The following LDLRAD4 variants were observed in gnomAD, a reference collection of about 807,000 sequenced individuals.
LDLRAD4 encodes the protein low density lipoprotein receptor class A domain containing 4.
LDLRAD4 carries 5 observed loss-of-function variants against 17.0 expected under a neutral mutation model. The observed-to-expected ratio is 0.29, with a 90% CI of 0.15 to 0.62. The LOEUF is 0.62. Ranked by LOEUF, LDLRAD4 falls within the 20% of genes least tolerant of loss-of-function variation. The pLI is 0.84. For missense variants in LDLRAD4, 340 were observed against 424.7 expected, an observed-to-expected ratio of 0.80 and a Z score of 1.75; for synonymous variants, 168 against 171.8, an observed-to-expected ratio of 0.98 and a Z score of 0.17.
chr18:13,629,418 A>G (rs1420696668), intron 4 of LDLRAD4, among the ~76,000 whole-genome samples: 1 of 152,242 alleles, frequency 6.6e-6, no homozygotes, highest in African/African-American at 2.4e-5. Context: ...ACCCACAGCA[A>G]ACTGACAGCT....
At chr18:13,254,041 C>T (rs1207713786) in intron 1 of LDLRAD4, among the ~76,000 whole-genome samples, 2 of 152,240 alleles carry the variant, frequency 1.3e-5, no homozygotes, top group Admixed American at 1.3e-4. Flanking sequence ...AGACCTGCTG[C>T]TGGGAGATAG....
chr18:13,467,342 A>G (rs2092651505), intron 3 of LDLRAD4, among the ~76,000 whole-genome samples: 1 of 152,252 alleles, frequency 6.6e-6, no homozygotes, highest in Non-Finnish European at 1.5e-5. Context: ...GTGTGTTTCT[A>G]TACATGTGCC....
chr18:13,406,108 G>A (rs1317968651), intron 2 of LDLRAD4, among the ~76,000 whole-genome samples: 1 of 152,240 alleles, frequency 6.6e-6, no homozygotes, highest in Non-Finnish European at 1.5e-5. Context: ...GGGCACCCAT[G>A]CTGGCAGCCC....
chr18:13,644,845 G>T (rs775588202), intron 5 of LDLRAD4: 14 of 425,202 alleles, frequency 3.3e-5, no homozygotes, highest in Non-Finnish European at 5.4e-5. Context: ...AGCACGCACA[G>T]AAACTCCCAG....
chr18:13,539,441 T>C (rs893879246), intron 3 of LDLRAD4, among the ~76,000 whole-genome samples: 11 of 152,244 alleles, frequency 7.2e-5, no homozygotes, highest in African/African-American at 2.7e-4. Context: ...TATTTCTCTT[T>C]TGCCAATAGG....
chr18:13,295,670 A>C (rs927789357), intron 1 of LDLRAD4, among the ~76,000 whole-genome samples: 1 of 152,254 alleles, frequency 6.6e-6, no homozygotes, highest in Admixed American at 6.5e-5. Flanking sequence ...AAGGGGGAAA[A>C]GTAACTTTGT....
rs183576045 is a variant in LDLRAD4, at chr18:13,344,206, A to G, written c.-382-43135A>G. Among the ~76,000 whole-genome samples, 15 of 152,258 alleles carry G rather than the reference A, an allele frequency of 9.9e-5. No individual in the cohort carries two copies. The East Asian group carries it at 2.7e-3, about 27-fold the overall frequency. ...GCCTAGGTCTTCTTCTAGGGTTTTT[A>G]TGGTTTTAGGTCTAACATTTAAGTG... On this transcript the variant is annotated intron_variant, in intron 1 of 5. Transcript: ENST00000359446.
chr18:13,271,311 G>A (rs2044523461), intron 1 of LDLRAD4, among the ~76,000 whole-genome samples: 1 of 152,206 alleles, frequency 6.6e-6, no homozygotes, highest in Admixed American at 6.5e-5. Flanking sequence ...GACGACTGTA[G>A]GATCGTCCAT....
chr18:13,230,708 C>G (rs1414649847), intron 1 of LDLRAD4, among the ~76,000 whole-genome samples: 1 of 152,122 alleles, frequency 6.6e-6, no homozygotes, highest in Non-Finnish European at 1.5e-5. Context: ...TGGGTAGATG[C>G]TACTGCTTAC....
At chr18:13,412,526 A>G (rs947028569) in intron 2 of LDLRAD4, among the ~76,000 whole-genome samples, 3 of 152,154 alleles carry the variant, frequency 2.0e-5, no homozygotes, top group Admixed American at 1.3e-4. Context: ...ATCCATTCAT[A>G]TGATATTGAT....
chr18:13,436,548 AC>A lies in LDLRAD4; in HGVS notation c.41-1694del, dbSNP rs545838765. ...TCACTGTTTTAGCAACACAGGGAGT[AC>A]CTGTTTTCGGTTAATGCGCTTTTCA... On this transcript the variant is annotated intron_variant, in intron 2 of 5. Transcript: ENST00000359446. Among the ~76,000 whole-genome samples the A allele has an allele frequency of 3.6e-3, 553 of 152,344 alleles. 3 individuals carry two copies. Among genetic ancestry groups the A allele is most frequent in the Non-Finnish European group, 5.2e-3 (351 of 68,032 alleles).
intron 3 of LDLRAD4, among the ~76,000 whole-genome samples, chr18:13,527,878 G>GC (rs1256359664): frequency 6.6e-6 from 1 of 152,158 alleles, no homozygotes; most frequent in African/African-American, 2.4e-5. Flanking sequence ...CACTCCTGCA[G>GC]CACCCCCTGC....
At chr18:13,525,515 A>G (rs1375277837) in intron 3 of LDLRAD4, among the ~76,000 whole-genome samples, 1 of 152,276 alleles carries the variant, frequency 6.6e-6, no homozygotes, top group East Asian at 1.9e-4. Flanking sequence ...TTCGTTTTGC[A>G]GAAATCTGAC....
intron 1 of LDLRAD4, among the ~76,000 whole-genome samples, chr18:13,282,498 A>T (rs774881625): frequency 6.6e-6 from 1 of 152,238 alleles, no homozygotes; most frequent in Admixed American, 6.5e-5. Context: ...TACAGGGCCT[A>T]TGCAAGTCCA....
At chr18:13,419,342 A>G (rs1228478708) in intron 2 of LDLRAD4, 1 of 152,198 alleles carries the variant, frequency 6.6e-6, no homozygotes, top group Non-Finnish European at 1.5e-5. Context: ...TCATCAAGCC[A>G]TAGTTTTGGA....
chr18:13,495,401 G>A (rs1291589315), intron 3 of LDLRAD4, among the ~76,000 whole-genome samples: 1 of 152,156 alleles, frequency 6.6e-6, no homozygotes, highest in African/African-American at 2.4e-5. Flanking sequence ...AATGTATCTC[G>A]TCTGTTTCTC....
intron 2 of LDLRAD4, among the ~76,000 whole-genome samples, chr18:13,417,599 A>T (rs2089031083): frequency 6.6e-6 from 1 of 151,776 alleles, no homozygotes; most frequent in South Asian, 2.1e-4. Context: ...CACCTGGCTA[A>T]TTTTTTTGTA....
chr18:13,342,357 A>G (rs528861642), intron 1 of LDLRAD4, among the ~76,000 whole-genome samples: 177 of 151,908 alleles, frequency 1.2e-3, no homozygotes, highest in Non-Finnish European at 1.7e-3. Flanking sequence ...GGAGACATCT[A>G]GTCCTTGGTT....
At chr18:13,305,261 C>T (rs894356543) in intron 1 of LDLRAD4, among the ~76,000 whole-genome samples, 11 of 152,064 alleles carry the variant, frequency 7.2e-5, no homozygotes, top group Non-Finnish European at 1.3e-4. Context: ...TACATGGTAC[C>T]ATTTGCAGTC....
Sources: allele counts gnomAD v4.1 joint callset (sites outside exome capture counted in the v4.1 genomes callset), GRCh38; gene constraint gnomAD v4.1.1; transcripts MANE v1.5; gene names NCBI Gene and HGNC (gene_info 2026-07-23, HGNC 2026-07-21).